XRN2: variants seen among roughly 807,000 people sequenced by gnomAD.
The protein encoded by XRN2 is 5'-3' exoribonuclease 2, also known as DHM1-like protein.
In XRN2, 44 loss-of-function variants were observed where a neutral mutation model predicts 138.5. That is an observed-to-expected ratio of 0.32 (90% confidence interval 0.25 to 0.41). The LOEUF (loss-of-function observed/expected upper bound fraction) is 0.41, where lower values mean the gene tolerates loss of function less well. Among genes scored for constraint, XRN2 ranks in the 10% least tolerant of loss-of-function variants. The pLI is 1.00. For synonymous variants in XRN2, 354 were observed against 369.4 expected (o/e 0.96, Z 0.48); for missense variants, 937 against 1,169.3 (o/e 0.80, Z 2.90).
chr20:21,313,373 G>A (rs888821160), intron 1 of XRN2, among the ~76,000 whole-genome samples: 3 of 152,158 alleles, frequency 2.0e-5, no homozygotes, highest in Admixed American at 6.5e-5. Flanking sequence ...TCAATTTTTC[G>A]CTGCTCTGTG....
intron 1 of XRN2, among the ~76,000 whole-genome samples, chr20:21,308,725 T>TA (rs1391128634): frequency 6.6e-6 from 1 of 152,224 alleles, no homozygotes; most frequent in Non-Finnish European, 1.5e-5. Flanking sequence ...TAGAAATCCT[T>TA]AGTTTGATAT....
intron 13 of XRN2, among the ~76,000 whole-genome samples, chr20:21,337,051 A>G (rs1412635486): frequency 6.6e-6 from 1 of 152,226 alleles, no homozygotes; most frequent in African/African-American, 2.4e-5. Flanking sequence ...CAGAAAGAAG[A>G]CGGAGGGCCC....
intron 6 of XRN2, among the ~76,000 whole-genome samples, chr20:21,330,976 G>A (rs1427075087): frequency 2.0e-5 from 3 of 151,986 alleles, no homozygotes; most frequent in African/African-American, 4.8e-5. Flanking sequence ...ATATATATAG[G>A]AAAGTAATTT....
rs2038244106 is a variant in XRN2 at position 21,333,552 on chromosome 20, A to G, written c.867A>G (p.Glu289=). The G allele has an allele frequency of 6.2e-7, 1 of 1,612,548 alleles. No individual in the cohort carries two copies. Among genetic ancestry groups the G allele is most frequent in the Non-Finnish European group, 8.5e-7 (1 of 1,178,710 alleles). The change falls in exon 10 of 30, where the codon GAA becomes GAG. Residue 289 remains glutamate (E), a synonymous_variant. Transcript: ENST00000377191. ...CATTCCTGTTCTTGCAGCATGATGA[A>G]CTTGCCGATAGTCTTCCTTGTGCAG... ...LPREKKGKHD[E]LADSLPCAEG...
chr20:21,313,574 C>T (rs962231118), intron 1 of XRN2, among the ~76,000 whole-genome samples: 1 of 152,178 alleles, frequency 6.6e-6, no homozygotes, highest in Non-Finnish European at 1.5e-5. Flanking sequence ...GAAGCATTTG[C>T]TAAATGGCAA....
At chr20:21,379,140 T>C (rs1666192704) in intron 27 of XRN2, among the ~76,000 whole-genome samples, 2 of 152,196 alleles carry the variant, frequency 1.3e-5, no homozygotes, top group Non-Finnish European at 2.9e-5. Context: ...TTGGCGAAGC[T>C]TGGTTTACAT....
chr20:21,332,984 A>G (rs1177857447), intron 9 of XRN2, among the ~76,000 whole-genome samples: 1 of 152,214 alleles, frequency 6.6e-6, no homozygotes, highest in Non-Finnish European at 1.5e-5. Flanking sequence ...TTCTGTTTCA[A>G]TAATATGGTG....
At chr20:21,367,624 C>T (rs1163776237) in intron 26 of XRN2, among the ~76,000 whole-genome samples, 1 of 151,524 alleles carries the variant, frequency 6.6e-6, no homozygotes, top group African/African-American at 2.4e-5. Context: ...CCTACATATT[C>T]TTAAAATTAT....
At chr20:21,383,971 G>T (rs2038911896) in intron 28 of XRN2, among the ~76,000 whole-genome samples, 1 of 152,094 alleles carries the variant, frequency 6.6e-6, no homozygotes, top group East Asian at 1.9e-4. Context: ...CCAGAACCAG[G>T]TTTTACCAGT....
Position 21,307,153 on chromosome 20 carries a change from T to C in XRN2, c.75+3680T>C, listed in dbSNP as rs1413377110. Among the ~76,000 whole-genome samples the C allele has an allele frequency of 2.6e-5, 2 of 77,284 alleles. 1 individual carries two copies. Among genetic ancestry groups the C allele is most frequent in the African/African-American group, 7.1e-5 (2 of 28,270 alleles). The allele number at this position is 77,284 out of a possible 152,430, so 50.7% of individuals were successfully genotyped here. A position where few individuals can be genotyped will look rare whatever the true frequency, so the allele number is the denominator to read the frequency against. On this transcript the variant is annotated intron_variant, in intron 1 of 29. Transcript: ENST00000377191. ...GAAGGACTTAATTTTTATGCTCATA[T>C]GCTTTCATTCTTTTGTGATCAGTTT... is the stretch of plus-strand genomic sequence containing the variant.
chr20:21,357,666 A>C (rs375413510), intron 23 of XRN2, 70 bp from the exon 24 acceptor site: 1 of 1,271,522 alleles, frequency 7.9e-7, no homozygotes, highest in African/African-American at 1.5e-5. Context: ...AAACATAGCA[A>C]CATCTTATTT....
chr20:21,326,635 G>A (rs754726948), intron 3 of XRN2, 34 bp downstream of exon 3: 1 of 1,508,466 alleles, frequency 6.6e-7, no homozygotes, highest in Admixed American at 2.0e-5. Flanking sequence ...CCTCCATTTT[G>A]TTTTTTTTTG....
intron 13 of XRN2, among the ~76,000 whole-genome samples, chr20:21,336,841 ACTGACAG>A (rs2038301773): frequency 6.6e-6 from 1 of 152,224 alleles, no homozygotes; most frequent in Non-Finnish European, 1.5e-5. Flanking sequence ...AGATGGCCTC[ACTGACAG>A]CTGACCTTGA....
chr20:21,312,097 G>A (rs2037889002), intron 1 of XRN2, among the ~76,000 whole-genome samples: 1 of 151,976 alleles, frequency 6.6e-6, no homozygotes, highest in Non-Finnish European at 1.5e-5. Context: ...TAAGTCTTAT[G>A]CCTTCTTTTA....
intron 14 of XRN2, 145 bp from the exon 15 acceptor site, chr20:21,340,576 A>G: frequency 1.3e-6 from 1 of 786,714 alleles, no homozygotes; most frequent in South Asian, 1.9e-5. Context: ...CAACCTTGTA[A>G]TATTAACGAA....
chr20:21,356,687 A>G, intron 23 of XRN2, 22 bp downstream of exon 23: 1 of 1,597,596 alleles, frequency 6.3e-7, no homozygotes, highest in Non-Finnish European at 8.5e-7. Flanking sequence ...TTTGTATATA[A>G]TTGAGGTGAC....
Position 21,331,651 on chromosome 20 carries a change from A to G in XRN2, c.649+18A>G, listed in dbSNP as rs1256641326. 3 of 1,605,682 alleles carry G rather than the reference A, an allele frequency of 1.9e-6. No individual in the cohort carries two copies. Among genetic ancestry groups the G allele is most frequent in the African/African-American group, 2.7e-5 (2 of 74,414 alleles). On this transcript the variant is annotated intron_variant, in intron 7 of 29. Transcript: ENST00000377191. ...GCAAAGAGGTAAAGCTTACTTACCA[A>G]TATTTGATTATATGTTCTATTTTTA...
At chr20:21,329,857 GT>G (rs2038179749) in intron 4 of XRN2, among the ~76,000 whole-genome samples, 2 of 3,134 alleles carry the variant, frequency 6.4e-4, no homozygotes, top group African/African-American at 1.6e-3. Context: ...CCTCTAACTG[GT>G]GTGTGTGTGT....
chr20:21,348,857 A>T (rs1228659266), intron 19 of XRN2, among the ~76,000 whole-genome samples: 1 of 152,056 alleles, frequency 6.6e-6, no homozygotes, highest in African/African-American at 2.4e-5. Flanking sequence ...GTTAGCCAGG[A>T]TGGTCTTGAT....
Sources: allele counts gnomAD v4.1 joint callset (sites outside exome capture counted in the v4.1 genomes callset), GRCh38; gene constraint gnomAD v4.1.1; transcripts MANE v1.5; gene names NCBI Gene and HGNC (gene_info 2026-07-23, HGNC 2026-07-21).